Variants in SLC35F1 observed in about 807,000 individuals in gnomAD.
SLC35F1 encodes chromosome 6 open reading frame 169.
A neutral mutation model predicts 48.7 loss-of-function variants in SLC35F1; 14 were observed. The observed-to-expected ratio is 0.29, with a 90% CI of 0.19 to 0.45. SLC35F1 has a LOEUF of 0.45. SLC35F1 is among the 20% of genes least tolerant of loss of function. The pLI is 1.00. For missense variants in SLC35F1, 404 were observed against 500.0 expected, an observed-to-expected ratio of 0.81 and a Z score of 1.83; for synonymous variants, 190 against 202.2, an observed-to-expected ratio of 0.94 and a Z score of 0.51.
At chr6:117,982,831 CGTA>C (rs1776798834) in intron 1 of SLC35F1, among the ~76,000 whole-genome samples, 1 of 152,088 alleles carries the variant, frequency 6.6e-6, no homozygotes, top group Non-Finnish European at 1.5e-5. Context: ...AACAAAAAAA[CGTA>C]GTTTTTTTTT....
At chr6:118,044,865 CCTCTGT>C (rs1772278323) in intron 1 of SLC35F1, among the ~76,000 whole-genome samples, 1 of 152,080 alleles carries the variant, frequency 6.6e-6, no homozygotes, top group Non-Finnish European at 1.5e-5. Context: ...TCAGAATTAA[CCTCTGT>C]CTCTATGAGA....
At chr6:118,100,669 A>G (rs542782305) in intron 1 of SLC35F1, among the ~76,000 whole-genome samples, 1 of 152,266 alleles carries the variant, frequency 6.6e-6, no homozygotes, top group South Asian at 2.1e-4. Context: ...TGTGAGTATC[A>G]TCAACCAGGG....
chr6:118,297,788 A>T (rs1181023137), intron 7 of SLC35F1, among the ~76,000 whole-genome samples: 1 of 145,606 alleles, frequency 6.9e-6, no homozygotes, highest in South Asian at 2.2e-4. Flanking sequence ...ACACACATAT[A>T]TTTTTTTTCA....
At chr6:118,285,799 C>CA (rs1219034143) in intron 7 of SLC35F1, among the ~76,000 whole-genome samples, 1 of 152,136 alleles carries the variant, frequency 6.6e-6, no homozygotes, top group Non-Finnish European at 1.5e-5. Context: ...ATGGAAAATG[C>CA]TAATGCACTA....
At chr6:118,076,056 A>G (rs79888632) in intron 1 of SLC35F1, among the ~76,000 whole-genome samples, 2,354 of 150,002 alleles carry the variant, frequency 0.016, 28 homozygotes, top group Non-Finnish European at 0.026. Flanking sequence ...ATTCTGCTGG[A>G]AAAAAAAACA....
At chr6:117,988,849 T>G (rs995025108) in intron 1 of SLC35F1, among the ~76,000 whole-genome samples, 12 of 152,146 alleles carry the variant, frequency 7.9e-5, no homozygotes, top group African/African-American at 2.9e-4. Flanking sequence ...GCTCCAGAGT[T>G]GGATGATGGT....
At chr6:118,235,415 A>G in intron 2 of SLC35F1, 94 bp from the exon 3 acceptor site, 3 of 1,188,034 alleles carry the variant, frequency 2.5e-6, no homozygotes, top group South Asian at 3.6e-5. Context: ...TAGGTTAAAA[A>G]TATATAATGT....
intron 1 of SLC35F1, among the ~76,000 whole-genome samples, chr6:117,928,431 T>G (rs1410746885): frequency 6.6e-6 from 1 of 152,170 alleles, no homozygotes; most frequent in South Asian, 2.1e-4. Context: ...TAGTTTTCTT[T>G]ATGCATTGCT....
intron 3 of SLC35F1, among the ~76,000 whole-genome samples, chr6:118,262,799 G>A (rs1290588340): frequency 2.0e-5 from 3 of 152,116 alleles, no homozygotes; most frequent in African/African-American, 7.2e-5. Context: ...AAAACTACAG[G>A]GTTCAAGCTG....
chr6:118,002,639 A>C (rs1254071424), intron 1 of SLC35F1, among the ~76,000 whole-genome samples: 2 of 151,872 alleles, frequency 1.3e-5, no homozygotes, highest in East Asian at 3.8e-4. Flanking sequence ...TAAAAAAAGA[A>C]TTTCTTTCTT....
chr6:118,029,164 G>A (rs1772003537), intron 1 of SLC35F1, among the ~76,000 whole-genome samples: 1 of 152,014 alleles, frequency 6.6e-6, no homozygotes, highest in South Asian at 2.1e-4. Flanking sequence ...TCTAGATGTA[G>A]AGCATGGAGA....
chr6:117,968,539 A>G (rs940213167), intron 1 of SLC35F1, among the ~76,000 whole-genome samples: 86 of 152,264 alleles, frequency 5.6e-4, no homozygotes, highest in African/African-American at 2.0e-3. Flanking sequence ...CGTTGCAACT[A>G]TTTTTATACA....
intron 2 of SLC35F1, among the ~76,000 whole-genome samples, chr6:118,204,917 A>G (rs553775510): frequency 6.6e-6 from 1 of 152,338 alleles, no homozygotes; most frequent in East Asian, 1.9e-4. Context: ...GAAAAATGGT[A>G]AGAAGGTCCA....
chr6:117,909,392 G>A (rs1156357673), intron 1 of SLC35F1, among the ~76,000 whole-genome samples: 1 of 151,644 alleles, frequency 6.6e-6, no homozygotes, highest in Non-Finnish European at 1.5e-5. Flanking sequence ...AGAAAATATT[G>A]ATGTAATATT....
At chr6:118,187,847 G>T (rs1397621103) in intron 2 of SLC35F1, among the ~76,000 whole-genome samples, 2 of 152,198 alleles carry the variant, frequency 1.3e-5, no homozygotes, top group Admixed American at 1.3e-4. Context: ...AACTTAGGCT[G>T]GTGTCTCTGG....
chr6:118,028,285 A>G (rs1771987493), intron 1 of SLC35F1, among the ~76,000 whole-genome samples: 1 of 152,108 alleles, frequency 6.6e-6, no homozygotes, highest in African/African-American at 2.4e-5. Flanking sequence ...TATAATGAAC[A>G]TCAGTGAATA....
intron 1 of SLC35F1, among the ~76,000 whole-genome samples, chr6:117,960,646 C>A (rs923147331): frequency 4.6e-5 from 7 of 151,620 alleles, no homozygotes; most frequent in Admixed American, 3.3e-4. Flanking sequence ...CTGGTATATC[C>A]CCCCCAAAAG....
intron 1 of SLC35F1, among the ~76,000 whole-genome samples, chr6:118,072,893 T>G (rs752038406): frequency 1.3e-5 from 2 of 152,120 alleles, no homozygotes; most frequent in Non-Finnish European, 2.9e-5. Flanking sequence ...CTGGGATGAG[T>G]GGGTGAACAG....
At chr6:118,036,965 T>C (rs1054175468) in intron 1 of SLC35F1, among the ~76,000 whole-genome samples, 1 of 152,230 alleles carries the variant, frequency 6.6e-6, no homozygotes, top group Non-Finnish European at 1.5e-5. Context: ...TCTGTTAATT[T>C]TTGTAACATA....
Sources: gnomAD v4.1 joint callset for allele counts (sites outside exome capture counted in the v4.1 genomes callset) on GRCh38, gnomAD v4.1.1 for gene constraint, MANE v1.5 for transcripts, NCBI Gene and HGNC (gene_info 2026-07-23, HGNC 2026-07-21) for gene names.